Variants in WDR88 observed in about 807,000 individuals in gnomAD.
The protein encoded by WDR88 is WD repeat domain 88.
Under a neutral mutation model 46.8 loss-of-function variants are expected in WDR88, and 40 were observed. The observed-to-expected ratio is 0.86, with a 90% CI of 0.66 to 1.11. The LOEUF (loss-of-function observed/expected upper bound fraction) is 1.11, where lower values mean the gene tolerates loss of function less well. Ranked by LOEUF, WDR88 falls within the 50% of genes most tolerant of loss-of-function variation. The probability of loss-of-function intolerance (pLI) is 0.00; values close to 1 mark genes in which losing one functional copy is unlikely to be tolerated. For synonymous variants in WDR88, 235 were observed against 240.7 expected (o/e 0.98, Z 0.22); for missense variants, 562 against 602.4 (o/e 0.93, Z 0.70).
intron 8 of WDR88, among the ~76,000 whole-genome samples, chr19:33,162,212 T>G (rs978290281): frequency 6.6e-6 from 1 of 151,984 alleles, no homozygotes; most frequent in African/African-American, 2.4e-5. Context: ...TTGTTTGTTT[T>G]TTTTTGAGAC....
intron 1 of WDR88, among the ~76,000 whole-genome samples, chr19:33,135,610 G>T (rs1187043861): frequency 6.6e-6 from 1 of 152,118 alleles, no homozygotes; most frequent in Non-Finnish European, 1.5e-5. Context: ...TAGAGACGGG[G>T]TTTCACCATG....
intron 5 of WDR88, 47 bp from the exon 6 acceptor site, chr19:33,151,134 G>A: frequency 1.3e-6 from 2 of 1,588,858 alleles, no homozygotes; most frequent in Non-Finnish European, 1.7e-6. Flanking sequence ...CTCCAGCCCA[G>A]CAGGTGGAAG....
chr19:33,172,434 G>T lies in WDR88; in HGVS notation c.1236G>T (p.Leu412Phe). Residue 412 changes from leucine (L) to phenylalanine (F), a missense_variant, in exon 10 of 11, where the codon TTG (leucine) becomes TTT (phenylalanine). Transcript: ENST00000355868. ...IKYKKAVGLKLKQCERCDRPF... is the reference protein window; with the variant it reads ...IKYKKAVGLKFKQCERCDRPF... ...ACAAAAAGGCCGTGGGCTTAAAGTT[G>T]AAACAGGTTGGTATTGGGTAAAATT... 6.2e-7 allele frequency: 1 copy of T among 1,613,818 alleles called. No individual in the cohort carries two copies. Among genetic ancestry groups the T allele is most frequent in the Non-Finnish European group, 8.5e-7 (1 of 1,179,818 alleles).
rs968213590 is a variant in WDR88, at chr19:33,135,052, TGG to T, written c.276+2609_276+2610del. 1.8e-3 allele frequency among the ~76,000 whole-genome samples: 37 copies of T among 20,094 alleles called. 1 individual carries two copies. The Admixed American group carries it at 0.02, about 11-fold the overall frequency. The allele number at this position is 20,094 out of a possible 152,430, so 13.2% of individuals were successfully genotyped here. A position where few individuals can be genotyped will look rare whatever the true frequency, so the allele number is the denominator to read the frequency against. On this transcript the variant is annotated intron_variant, in intron 1 of 10. Transcript: ENST00000355868. ...GTCGCCATGCGCGAGCTGGGGTGGG[TGG>T]GTGGGGGGGGTGACATCTTCAGGCT... is the stretch of plus-strand genomic sequence containing the variant.
At chr19:33,141,182 C>T (rs1973383471) in intron 2 of WDR88, among the ~76,000 whole-genome samples, 1 of 150,802 alleles carries the variant, frequency 6.6e-6, no homozygotes, top group Non-Finnish European at 1.5e-5. Context: ...AGCGACTCTC[C>T]TGCCTCAGCC....
chr19:33,155,686 C>T (rs1370696402), intron 6 of WDR88, among the ~76,000 whole-genome samples: 5 of 152,208 alleles, frequency 3.3e-5, no homozygotes, highest in Non-Finnish European at 7.3e-5. Flanking sequence ...GGCTGTCTGT[C>T]AATCAATCAC....
rs1973740180 is a variant in WDR88 at position 33,156,589 on chromosome 19, G to A, written c.997+47G>A. 1.9e-6 allele frequency: 3 copies of A among 1,574,270 alleles called. No homozygotes were observed. The East Asian group carries it at 6.7e-5, about 35-fold the overall frequency. On this transcript the variant is annotated intron_variant, in intron 7 of 10. Coordinates refer to ENST00000355868, the MANE Select transcript of WDR88 (RefSeq NM_173479.4). ...GGCCTCCATTCCTGTGGGAGTGCTG[G>A]GCAGAGTTCTCCATGTTCCGTTCAA...
intron 3 of WDR88, among the ~76,000 whole-genome samples, chr19:33,146,716 C>A (rs185448028): frequency 1.3e-5 from 2 of 152,070 alleles, no homozygotes; most frequent in Admixed American, 1.3e-4. Flanking sequence ...TGAGGTTTCA[C>A]CATGTTGGCC....
chr19:33,152,234 A>AAT (rs58282641), intron 6 of WDR88, among the ~76,000 whole-genome samples: 2,435 of 147,276 alleles, frequency 0.017, 47 homozygotes, highest in African/African-American at 0.05. Context: ...TCTGTCTCAA[A>AAT]ATATATATAT....
At chr19:33,139,625 G>A (rs377404284) in intron 2 of WDR88, among the ~76,000 whole-genome samples, 1 of 152,188 alleles carries the variant, frequency 6.6e-6, no homozygotes, top group African/African-American at 2.4e-5. Flanking sequence ...CATCAGTTGA[G>A]TGGTTCTTAG....
intron 7 of WDR88, among the ~76,000 whole-genome samples, chr19:33,157,527 A>ATATATATATATATGTATATATATGTG (rs755692933): frequency 2.2e-5 from 1 of 46,476 alleles, no homozygotes; most frequent in South Asian, 1.5e-3. Flanking sequence ...ATATATGTGT[A>ATATATATATATATGTATATATATGTG]TATATATATA....
At chr19:33,165,726 T>G (rs1973942246) in intron 9 of WDR88, among the ~76,000 whole-genome samples, 1 of 149,150 alleles carries the variant, frequency 6.7e-6, no homozygotes, top group South Asian at 2.1e-4. Context: ...AGCCCCGTCT[T>G]TACTAAAAAT....
chr19:33,155,448 C>T (rs1164310497), intron 6 of WDR88, among the ~76,000 whole-genome samples: 14 of 152,116 alleles, frequency 9.2e-5, no homozygotes, highest in Non-Finnish European at 1.9e-4. Flanking sequence ...GCCAAATAAC[C>T]CACAATTTTA....
chr19:33,139,282 G>A (rs1973341233), intron 2 of WDR88, among the ~76,000 whole-genome samples: 1 of 152,236 alleles, frequency 6.6e-6, no homozygotes, highest in Non-Finnish European at 1.5e-5. Flanking sequence ...CCCTTCTGGG[G>A]ACTGCAGGGC....
At chr19:33,173,913 C>T (rs10403449) in intron 10 of WDR88, among the ~76,000 whole-genome samples, 24,208 of 152,098 alleles carry the variant, frequency 0.16, 2,556 homozygotes, top group East Asian at 0.28. Flanking sequence ...TGCAGTGGCG[C>T]GATCTCGTCT....
At chr19:33,144,000 G>C (rs954550764) in intron 2 of WDR88, among the ~76,000 whole-genome samples, 1 of 152,106 alleles carries the variant, frequency 6.6e-6, no homozygotes, top group African/African-American at 2.4e-5. Context: ...ACAGGGATGG[G>C]GTCGTGCTTC....
At chr19:33,137,879 G>A in intron 2 of WDR88, 92 bp downstream of exon 2, 1 of 1,020,984 alleles carries the variant, frequency 9.8e-7, no homozygotes, top group Non-Finnish European at 1.4e-6. Context: ...TGAACTCACA[G>A]GCACTTGTGG....
intron 5 of WDR88, among the ~76,000 whole-genome samples, chr19:33,149,506 C>CTTAACA (rs1973589516): frequency 6.6e-6 from 1 of 152,110 alleles, no homozygotes; most frequent in South Asian, 2.1e-4. Context: ...GCTCAGGCTT[C>CTTAACA]TTAACATTAA....
intron 1 of WDR88, among the ~76,000 whole-genome samples, chr19:33,134,665 C>A (rs984116441): frequency 6.6e-6 from 1 of 152,028 alleles, no homozygotes; most frequent in Non-Finnish European, 1.5e-5. Flanking sequence ...CAACCCTGCA[C>A]GCGCGGCCCC....
Sources: gnomAD v4.1 joint callset for allele counts (sites outside exome capture counted in the v4.1 genomes callset) on GRCh38, gnomAD v4.1.1 for gene constraint, MANE v1.5 for transcripts, NCBI Gene and HGNC (gene_info 2026-07-23, HGNC 2026-07-21) for gene names.